LRP6: variants seen among roughly 807,000 people sequenced by gnomAD.
LRP6 encodes low-density lipoprotein receptor-related protein 6.
Under a neutral mutation model 184.1 loss-of-function variants are expected in LRP6, and 43 were observed. The ratio of observed to expected loss-of-function variants is 0.23; its 90% CI spans 0.18 to 0.30. The LOEUF (loss-of-function observed/expected upper bound fraction) is 0.30. Ranked by LOEUF, LRP6 falls within the 10% of genes least tolerant of loss-of-function variation. The pLI, the probability that LRP6 is intolerant of heterozygous loss-of-function variation, is 1.00. For missense variants in LRP6, 1,571 were observed against 2,005.3 expected (o/e 0.78, Z 4.14); for synonymous variants, 719 against 684.9 (o/e 1.05, Z -0.78).
intron 4 of LRP6, 88 bp from the exon 5 acceptor site, chr12:12,184,199 C>G: frequency 2.7e-6 from 3 of 1,097,218 alleles, no homozygotes; most frequent in East Asian, 2.4e-5. Flanking sequence ...TGTGATAAGC[C>G]AAAATTATTA....
At position 12,266,983 on chromosome 12, in the gene LRP6, G is replaced by A. The variant is rs1027241280; in HGVS notation, c.-248C>T. The A allele has an allele frequency of 2.8e-5, 15 of 533,072 alleles. No homozygotes were observed. The highest frequency in any genetic ancestry group is 1.6e-4 in the African/African-American group (8 of 48,722). 33.0% of individuals were successfully genotyped at this position (533,072 alleles called of 1,614,324 possible). A position where few individuals can be genotyped will look rare whatever the true frequency, so the allele number is the denominator to read the frequency against. The stretch of plus-strand genomic sequence containing the variant: ...CCATCCCGCCGCCTCCTCCCCCGGC[G>A]CCCCGCTTCCCCCGCGCAGCTCCTC... On this transcript the variant is annotated 5_prime_UTR_variant, in exon 1 of 23. Coordinates refer to ENST00000261349, the MANE Select transcript of LRP6 (RefSeq NM_002336.3).
chr12:12,141,464 G>A (rs960632563), intron 15 of LRP6, among the ~76,000 whole-genome samples: 1 of 152,064 alleles, frequency 6.6e-6, no homozygotes, highest in Non-Finnish European at 1.5e-5. Context: ...CAAGTGTGAG[G>A]AGGAAAAAAA....
chr12:12,195,039 CT>C (rs1323008640), intron 3 of LRP6, among the ~76,000 whole-genome samples: 1 of 152,056 alleles, frequency 6.6e-6, no homozygotes, highest in African/African-American at 2.4e-5. Flanking sequence ...GGATTTCATT[CT>C]TTTTATGGCT....
chr12:12,264,437 TCCTTTATA>T (rs994344189), intron 1 of LRP6, among the ~76,000 whole-genome samples: 1 of 152,160 alleles, frequency 6.6e-6, no homozygotes, highest in African/African-American at 2.4e-5. Flanking sequence ...CCCAAATCTT[TCCTTTATA>T]CCTTGTCATG....
chr12:12,225,047 A>G (rs977262040), intron 2 of LRP6, among the ~76,000 whole-genome samples: 1 of 152,094 alleles, frequency 6.6e-6, no homozygotes, highest in Non-Finnish European at 1.5e-5. Flanking sequence ...TCTACTAAAA[A>G]TACAAAAATT....
chr12:12,164,737 G>A (rs111786658), intron 8 of LRP6, among the ~76,000 whole-genome samples, 175 bp from the exon 9 acceptor site: 10 of 151,928 alleles, frequency 6.6e-5, no homozygotes, highest in African/African-American at 2.4e-4. Context: ...GATTAATAGG[G>A]AGTAAAAGCA....
intron 2 of LRP6, among the ~76,000 whole-genome samples, chr12:12,238,990 C>T (rs888925585): frequency 6.6e-6 from 1 of 151,998 alleles, no homozygotes; most frequent in Non-Finnish European, 1.5e-5. Flanking sequence ...AGAAAAAAAG[C>T]ACCAAACACG....
intron 19 of LRP6, among the ~76,000 whole-genome samples, chr12:12,129,874 T>C (rs1180215254): frequency 6.6e-6 from 1 of 152,106 alleles, no homozygotes; most frequent in Non-Finnish European, 1.5e-5. Flanking sequence ...AATACCATTT[T>C]TCTAAGATGC....
chr12:12,254,522 T>A (rs1865414237), intron 1 of LRP6, among the ~76,000 whole-genome samples: 1 of 152,182 alleles, frequency 6.6e-6, no homozygotes. Context: ...AACACTTATC[T>A]TTTTCTCCCC....
intron 12 of LRP6, among the ~76,000 whole-genome samples, chr12:12,153,796 TC>T (rs2136925481): frequency 6.6e-6 from 1 of 152,334 alleles, no homozygotes; most frequent in South Asian, 2.1e-4. Flanking sequence ...AATGGAGACA[TC>T]AGAGAAGCTG....
chr12:12,196,419 T>C (rs1410636186), intron 3 of LRP6, among the ~76,000 whole-genome samples: 2 of 152,082 alleles, frequency 1.3e-5, no homozygotes, highest in African/African-American at 4.8e-5. Context: ...ACTTCCTTGG[T>C]TAAATTTATT....
chr12:12,150,232 TTTA>T (rs1345787981), intron 13 of LRP6, among the ~76,000 whole-genome samples: 1 of 152,158 alleles, frequency 6.6e-6, no homozygotes, highest in African/African-American at 2.4e-5. Flanking sequence ...ATGGGTAAGA[TTTA>T]TTGATAATAT....
At chr12:12,255,091 T>C (rs1216477679) in intron 1 of LRP6, among the ~76,000 whole-genome samples, 3 of 152,216 alleles carry the variant, frequency 2.0e-5, no homozygotes, top group African/African-American at 7.2e-5. Flanking sequence ...ATGACTCTTA[T>C]TCCATTGTCA....
chr12:12,197,645 T>C (rs1233611369), intron 3 of LRP6, among the ~76,000 whole-genome samples: 1 of 152,232 alleles, frequency 6.6e-6, no homozygotes, highest in East Asian at 1.9e-4. Flanking sequence ...GAATCTAGCA[T>C]ATGCAGGAGC....
At position 12,158,974 on chromosome 12, in the gene LRP6, A is replaced by G; in HGVS notation, c.2646T>C (p.Phe882=). ...HLDYVMDILV[F]HSSRQSGWNE... ...TCCACCCTGACTGTCGAGATGAGTG[A>G]AAGACGAGGATGTCCATCACATAAT... Residue 882 remains phenylalanine, a synonymous_variant, in exon 12 of 23, where the codon TTT becomes TTC. Transcript: ENST00000261349. 1.2e-6 allele frequency: 2 copies of G among 1,614,236 alleles called. No homozygotes were observed. Among genetic ancestry groups the G allele is most frequent in the Non-Finnish European group, 1.7e-6 (2 of 1,180,036 alleles).
intron 7 of LRP6, among the ~76,000 whole-genome samples, chr12:12,175,695 A>G (rs1321147978): frequency 9.6e-6 from 1 of 104,374 alleles, no homozygotes; most frequent in Non-Finnish European, 1.9e-5. Context: ...CGTCTCAAAT[A>G]AAAAATAAAA....
At chr12:12,238,101 C>T (rs1864969750) in intron 2 of LRP6, among the ~76,000 whole-genome samples, 1 of 151,356 alleles carries the variant, frequency 6.6e-6, no homozygotes, top group Admixed American at 6.6e-5. Flanking sequence ...CATAAGGGGG[C>T]ACAAGGAACT....
intron 1 of LRP6, among the ~76,000 whole-genome samples, chr12:12,259,113 T>G (rs1431033175): frequency 6.6e-6 from 1 of 151,930 alleles, no homozygotes; most frequent in African/African-American, 2.4e-5. Flanking sequence ...AACACAAAAA[T>G]TAGGTAGGCA....
chr12:12,159,224 G>C, intron 11 of LRP6, 69 bp from the exon 12 acceptor site: 1 of 1,209,388 alleles, frequency 8.3e-7, no homozygotes, highest in Non-Finnish European at 1.2e-6. Context: ...CAAGTGTCTT[G>C]CTGGCAAAAA....
Sources: gnomAD v4.1 joint callset for allele counts (sites outside exome capture counted in the v4.1 genomes callset) on GRCh38, gnomAD v4.1.1 for gene constraint, MANE v1.5 for transcripts, NCBI Gene and HGNC (gene_info 2026-07-23, HGNC 2026-07-21) for gene names.